The following AFG2A variants were observed in gnomAD, a reference collection of about 807,000 sequenced individuals.
AFG2A encodes AAA ATPase AFG2A.
At chr4:123,275,875 C>A in the AFG2A span, among the ~76,000 whole-genome samples, 2 of 152,136 alleles carry the variant, frequency 1.3e-5, no homozygotes, top group Non-Finnish European at 2.9e-5. Context: ...ACCATAATTT[C>A]TTTACCCAAT....
chr4:123,208,113 C>T, the AFG2A span, among the ~76,000 whole-genome samples: 1 of 152,116 alleles, frequency 6.6e-6, no homozygotes, highest in South Asian at 2.1e-4. Context: ...AATTAAGAGT[C>T]TGGAACTAAA....
At chr4:123,234,641 C>G in the AFG2A span, among the ~76,000 whole-genome samples, 3 of 152,046 alleles carry the variant, frequency 2.0e-5, no homozygotes, top group Admixed American at 6.6e-5. Flanking sequence ...ATCTTCATAT[C>G]AAATGAAGAA....
At chr4:123,126,941 C>T in the AFG2A span, among the ~76,000 whole-genome samples, 1 of 152,126 alleles carries the variant, frequency 6.6e-6, no homozygotes, top group African/African-American at 2.4e-5. Flanking sequence ...GACTACATGG[C>T]CAAGTGCAGT....
the AFG2A span, among the ~76,000 whole-genome samples, chr4:123,147,726 C>T: frequency 4.6e-5 from 7 of 151,962 alleles, no homozygotes; most frequent in Admixed American, 1.3e-4. Context: ...TAAAAATTCA[C>T]TGGGGAGGGA....
the AFG2A span, among the ~76,000 whole-genome samples, chr4:123,278,516 G>C: frequency 6.6e-6 from 1 of 152,098 alleles, no homozygotes; most frequent in Non-Finnish European, 1.5e-5. Context: ...GTTTGCTCTT[G>C]ATACTCTATT....
chr4:122,997,537 A>C, the AFG2A span, among the ~76,000 whole-genome samples: 7 of 152,160 alleles, frequency 4.6e-5, no homozygotes, highest in African/African-American at 1.7e-4. Flanking sequence ...TTATCAGTTC[A>C]TCAGTTGATG....
At chr4:123,071,348 C>T in the AFG2A span, among the ~76,000 whole-genome samples, 1 of 152,170 alleles carries the variant, frequency 6.6e-6, no homozygotes, top group Non-Finnish European at 1.5e-5. Context: ...GGCGTGGTGG[C>T]GCATGCCTGT....
the AFG2A span, among the ~76,000 whole-genome samples, chr4:123,015,186 C>T: frequency 7.5e-5 from 10 of 132,776 alleles, no homozygotes; most frequent in Middle Eastern, 3.9e-3. Flanking sequence ...ATTTTTCTTT[C>T]TTTTTTTTTT....
At chr4:123,006,261 G>A in the AFG2A span, among the ~76,000 whole-genome samples, 1 of 151,828 alleles carries the variant, frequency 6.6e-6, no homozygotes, top group African/African-American at 2.4e-5. Context: ...AAAGAAATCT[G>A]CTTTCTTCAT....
the AFG2A span, among the ~76,000 whole-genome samples, chr4:123,006,938 C>CTTTTT: frequency 1.4e-5 from 2 of 146,696 alleles, no homozygotes; most frequent in Non-Finnish European, 3.0e-5. Flanking sequence ...CTTTTACTCT[C>CTTTTT]TTTTTTTTTC....
At chr4:123,116,731 G>A in the AFG2A span, among the ~76,000 whole-genome samples, 1 of 152,138 alleles carries the variant, frequency 6.6e-6, no homozygotes, top group Non-Finnish European at 1.5e-5. Flanking sequence ...CAGATTTTGG[G>A]ATTTATAGAT....
the AFG2A span, among the ~76,000 whole-genome samples, chr4:123,251,654 A>G: frequency 2.0e-5 from 3 of 152,118 alleles, no homozygotes; most frequent in Non-Finnish European, 4.4e-5. Flanking sequence ...TTTGTCTTAG[A>G]TAACATTTTC....
chr4:123,215,146 A>T, the AFG2A span, among the ~76,000 whole-genome samples: 1 of 152,226 alleles, frequency 6.6e-6, no homozygotes, highest in South Asian at 2.1e-4. Context: ...AAATTGAAAA[A>T]ATTTTAATTC....
the AFG2A span, among the ~76,000 whole-genome samples, chr4:122,999,054 G>A: frequency 1.3e-5 from 2 of 151,012 alleles, no homozygotes; most frequent in African/African-American, 4.9e-5. Context: ...GCATTTCTCT[G>A]ATGGCCAGTG....
chr4:122,959,122 C>CTGTA, the AFG2A span, among the ~76,000 whole-genome samples: 2 of 152,180 alleles, frequency 1.3e-5, no homozygotes, highest in Non-Finnish European at 1.5e-5. Flanking sequence ...GGTCCAAGAA[C>CTGTA]TGTACTTTGA....
chr4:123,116,878 A>G, the AFG2A span, among the ~76,000 whole-genome samples: 6 of 148,700 alleles, frequency 4.0e-5, no homozygotes, highest in Non-Finnish European at 8.8e-5. Flanking sequence ...TTTCATGGAC[A>G]TGAAATGAAA....
chr4:123,251,482 C>T, the AFG2A span, among the ~76,000 whole-genome samples: 2 of 152,046 alleles, frequency 1.3e-5, no homozygotes, highest in Non-Finnish European at 2.9e-5. Flanking sequence ...CAGATTTCAG[C>T]GCAGTTTCTG....
chr4:123,175,978 T>TG, the AFG2A span, among the ~76,000 whole-genome samples: 1 of 152,156 alleles, frequency 6.6e-6, no homozygotes, highest in African/African-American at 2.4e-5. Flanking sequence ...TTATAAGAGC[T>TG]GAGCTTGTAT....
the AFG2A span, among the ~76,000 whole-genome samples, chr4:122,965,568 TGAAAA>T: frequency 2.0e-5 from 3 of 152,212 alleles, no homozygotes; most frequent in Admixed American, 2.0e-4. Context: ...AATAAAATAA[TGAAAA>T]GAAGATGATA....
Sources: gnomAD v4.1 joint callset for allele counts (sites outside exome capture counted in the v4.1 genomes callset) on GRCh38, gnomAD v4.1.1 for gene constraint, MANE v1.5 for transcripts, NCBI Gene and HGNC (gene_info 2026-07-23, HGNC 2026-07-21) for gene names.